Variants in MSRA observed in about 807,000 individuals in gnomAD.
MSRA encodes methionine sulfoxide reductase A.
In MSRA, 54 loss-of-function variants were observed where a neutral mutation model predicts 31.3. That is an observed-to-expected ratio of 1.73 (90% CI 1.39 to 2.17). The LOEUF (loss-of-function observed/expected upper bound fraction) is 2.17, where lower values mean the gene tolerates loss of function less well. MSRA is among the 30% of genes most tolerant of loss of function. The pLI is 0.00. For missense variants in MSRA, 507 were observed against 300.9 expected, an observed-to-expected ratio of 1.69 and a Z score of -5.07; for synonymous variants, 169 against 116.5, an observed-to-expected ratio of 1.45 and a Z score of -2.90.
intron 1 of MSRA, among the ~76,000 whole-genome samples, chr8:10,156,057 A>G (rs115288829): frequency 0.026 from 3,905 of 152,140 alleles, 164 homozygotes; most frequent in African/African-American, 0.088. Flanking sequence ...ATGCGGTAGG[A>G]GGATACCTGA....
chr8:10,116,767 A>G (rs1470930338), intron 1 of MSRA, among the ~76,000 whole-genome samples: 3 of 152,044 alleles, frequency 2.0e-5, no homozygotes, highest in Non-Finnish European at 4.4e-5. Flanking sequence ...TGGGAGTGTG[A>G]GACCAGCCTG....
chr8:10,090,568 A>T (rs907482173), intron 1 of MSRA, among the ~76,000 whole-genome samples: 1 of 152,218 alleles, frequency 6.6e-6, no homozygotes, highest in Admixed American at 6.5e-5. Context: ...TTGTCATTTT[A>T]TTATGTACAA....
intron 5 of MSRA, among the ~76,000 whole-genome samples, chr8:10,405,151 A>T (rs1358918710): frequency 6.6e-6 from 1 of 152,126 alleles, no homozygotes; most frequent in Non-Finnish European, 1.5e-5. Context: ...ATAGCAAGAC[A>T]TGTCTATGCC....
At chr8:10,109,731 A>G (rs1800145872) in intron 1 of MSRA, among the ~76,000 whole-genome samples, 1 of 152,204 alleles carries the variant, frequency 6.6e-6, no homozygotes, top group South Asian at 2.1e-4. Flanking sequence ...TTCTGATAGT[A>G]GTTTAGTTTA....
chr8:10,245,087 CT>C lies in MSRA; in HGVS notation c.212-11del. 6.4e-6 allele frequency: 10 copies of C among 1,566,988 alleles called. No homozygotes were observed. Among genetic ancestry groups the C allele is most frequent in the Non-Finnish European group, 8.6e-6 (10 of 1,160,910 alleles). The stretch of plus-strand genomic sequence containing the variant: ...TGAATAATCAGTATCCTTTTTTTTT[CT>C]TTTTTCTTTTTTAAGGAATGGGATG... On this transcript the variant is annotated splice_polypyrimidine_tract_variant and intron_variant, in intron 2 of 5. Transcript: ENST00000317173.
At chr8:10,276,944 T>A (rs903769592) in intron 3 of MSRA, among the ~76,000 whole-genome samples, 2 of 152,216 alleles carry the variant, frequency 1.3e-5, no homozygotes, top group Non-Finnish European at 2.9e-5. Context: ...CCTTCAGGGT[T>A]AAGAAAGGTA....
intron 1 of MSRA, among the ~76,000 whole-genome samples, chr8:10,074,553 A>G (rs752707265): frequency 6.6e-6 from 1 of 152,138 alleles, no homozygotes; most frequent in Non-Finnish European, 1.5e-5. Context: ...TAATTGATAG[A>G]GATATTATGT....
chr8:10,061,692 C>T (rs1013962659), intron 1 of MSRA, among the ~76,000 whole-genome samples: 1 of 152,134 alleles, frequency 6.6e-6, no homozygotes, highest in Admixed American at 6.5e-5. Flanking sequence ...GAAATGTCAT[C>T]TTTTCGTGTG....
intron 5 of MSRA, among the ~76,000 whole-genome samples, chr8:10,394,173 T>C (rs200941049): frequency 3.9e-5 from 6 of 152,238 alleles, no homozygotes; most frequent in Admixed American, 6.5e-5. Flanking sequence ...GTTTTTCTCA[T>C]TGATCTTTCC....
intron 1 of MSRA, among the ~76,000 whole-genome samples, chr8:10,205,665 G>C (rs1430076018): frequency 6.6e-6 from 1 of 152,002 alleles, no homozygotes; most frequent in Non-Finnish European, 1.5e-5. Flanking sequence ...TTTCACCCTA[G>C]ACAAAAAGAA....
intron 1 of MSRA, among the ~76,000 whole-genome samples, chr8:10,182,629 T>C (rs1806645008): frequency 6.6e-6 from 1 of 152,202 alleles, no homozygotes; most frequent in African/African-American, 2.4e-5. Context: ...GATGTTATGA[T>C]ACAAGCATGC....
At position 10,337,743 on chromosome 8, in the gene MSRA, G is replaced by A. The variant is rs1234639952; in HGVS notation, c.543+17754G>A. ...CCCTGTTCTTCCTCAGCCATGCTGG[G>A]GCTCACTGCAGCCTCCTCTGCTCAA... On this transcript the variant is annotated intron_variant, in intron 5 of 5. Transcript: ENST00000317173. The A allele has an allele frequency of 1.1e-5, 8 of 702,588 alleles. No homozygotes were observed. The East Asian group carries it at 2.1e-4, about 19-fold the overall frequency. 43.5% of individuals were successfully genotyped at this position (702,588 alleles called of 1,614,324 possible).
At chr8:10,059,835 C>T (rs1332755643) in intron 1 of MSRA, among the ~76,000 whole-genome samples, 1 of 152,188 alleles carries the variant, frequency 6.6e-6, no homozygotes, top group African/African-American at 2.4e-5. Context: ...TATGAACAGA[C>T]CGTTTACAGA....
At chr8:10,299,981 A>G (rs1051597515) in intron 3 of MSRA, among the ~76,000 whole-genome samples, 7 of 152,240 alleles carry the variant, frequency 4.6e-5, no homozygotes, top group African/African-American at 1.4e-4. Flanking sequence ...GAATGATTGA[A>G]TAAGTAGTTG....
At chr8:10,329,079 G>A (rs569813369) in intron 5 of MSRA, among the ~76,000 whole-genome samples, 12 of 152,382 alleles carry the variant, frequency 7.9e-5, no homozygotes, top group East Asian at 3.9e-4. Context: ...GTAGGATTAA[G>A]TCAGTGGGTG....
At chr8:10,304,040 G>A (rs2129127050) in intron 4 of MSRA, among the ~76,000 whole-genome samples, 1 of 152,274 alleles carries the variant, frequency 6.6e-6, no homozygotes, top group Non-Finnish European at 1.5e-5. Flanking sequence ...GGTGCAAGCA[G>A]TTCCCCTGCC....
intron 3 of MSRA, among the ~76,000 whole-genome samples, chr8:10,257,816 T>A (rs775678658): frequency 8.5e-5 from 13 of 152,140 alleles, no homozygotes; most frequent in Non-Finnish European, 1.8e-4. Context: ...CTCTCTTACC[T>A]AGGATGTAAT....
At chr8:10,177,786 A>T (rs1326003224) in intron 1 of MSRA, among the ~76,000 whole-genome samples, 2 of 152,222 alleles carry the variant, frequency 1.3e-5, no homozygotes, top group African/African-American at 2.4e-5. Flanking sequence ...CCAGTCTTGG[A>T]AAGAAGAAAA....
At chr8:10,066,607 C>A (rs1048746415) in intron 1 of MSRA, among the ~76,000 whole-genome samples, 1 of 152,208 alleles carries the variant, frequency 6.6e-6, no homozygotes, top group African/African-American at 2.4e-5. Context: ...GATCTCTGCT[C>A]ACTGCAACCT....
Sources: gnomAD v4.1 joint callset for allele counts (sites outside exome capture counted in the v4.1 genomes callset) on GRCh38, gnomAD v4.1.1 for gene constraint, MANE v1.5 for transcripts, NCBI Gene and HGNC (gene_info 2026-07-23, HGNC 2026-07-21) for gene names.